PLEKHA5: variants seen among roughly 807,000 people sequenced by gnomAD.
PLEKHA5 encodes pleckstrin homology domain containing A5.
A neutral mutation model predicts 181.9 loss-of-function variants in PLEKHA5; 55 were observed. That is an observed-to-expected ratio of 0.30 (90% CI 0.24 to 0.38). The LOEUF (loss-of-function observed/expected upper bound fraction) is 0.38. Among genes scored for constraint, PLEKHA5 ranks in the 10% least tolerant of loss-of-function variants. The pLI is 1.00. For synonymous variants in PLEKHA5, 535 were observed against 529.4 expected, an observed-to-expected ratio of 1.01 and a Z score of -0.15; for missense variants, 1,432 against 1,549.5, an observed-to-expected ratio of 0.92 and a Z score of 1.27.
chr12:19,290,767 C>G lies in PLEKHA5; in HGVS notation c.1954C>G (p.Gln652Glu). The G allele has an allele frequency of 6.5e-7, 1 of 1,535,250 alleles. No individual in the cohort carries two copies. The highest frequency in any genetic ancestry group is 8.7e-7 in the Non-Finnish European group (1 of 1,145,970). Residue 652 changes from glutamine (Q) to glutamate (E), a missense_variant, in exon 14 of 32, where the codon CAG becomes GAG. Around this residue, in one of 2 missense-constraint regions of PLEKHA5, gnomAD observed 1,143 missense variants for 1,168.4 expected, o/e 0.98. Transcript: ENST00000429027. Reference sequence around the variant, plus strand: ...GGAGCATACGTTAGCACAGCTCATGCAGCTAAAGCTTGAGGCCCACAGCCC... The same window carrying G: ...GGAGCATACGTTAGCACAGCTCATGGAGCTAAAGCTTGAGGCCCACAGCCC... The part of the protein sequence containing the change: ...IREHTLAQLM[Q>E]LKLEAHSPKN...
chr12:19,211,770 T>C (rs2056952081), intron 3 of PLEKHA5, among the ~76,000 whole-genome samples: 1 of 152,186 alleles, frequency 6.6e-6, no homozygotes, highest in South Asian at 2.1e-4. Flanking sequence ...CAGAGGAGGT[T>C]GGTTTTATTG....
chr12:19,222,286 G>A (rs1353166184), intron 3 of PLEKHA5, among the ~76,000 whole-genome samples: 3 of 151,994 alleles, frequency 2.0e-5, no homozygotes, highest in Non-Finnish European at 4.4e-5. Flanking sequence ...TTGGATTTAG[G>A]AATATTTATG....
Position 19,360,558 on chromosome 12 carries a change from C to T in PLEKHA5, c.3483+1012C>T, listed in dbSNP as rs561632143. 7.3e-5 allele frequency among the ~76,000 whole-genome samples: 11 copies of T among 151,134 alleles called. No individual in the cohort carries two copies. The East Asian group carries it at 9.8e-4, about 14-fold the overall frequency. ...GTCAGAGGTTGCAATGAGCTGAGAT[C>T]GCGCCACACTACCCTGCAGCCTGGA... On this transcript the variant is annotated intron_variant, in intron 28 of 31. Coordinates refer to ENST00000429027, the MANE Select transcript of PLEKHA5 (RefSeq NM_001256470.2).
At position 19,306,970 on chromosome 12, in the gene PLEKHA5, A is replaced by G. The variant is rs867972404; in HGVS notation, c.2038-7844A>G. 3.0e-6 allele frequency: 4 copies of G among 1,348,678 alleles called. No individual in the cohort carries two copies. In the South Asian group the frequency reaches 5.0e-5, roughly 17 times the overall value. The allele number at this position is 1,348,678 out of a possible 1,614,324, so 83.5% of individuals were successfully genotyped here. A position where few individuals can be genotyped will look rare whatever the true frequency, so the allele number is the denominator to read the frequency against. ...GCTCCTGCCTACTCCTAACCCACTT[A>G]CTCAGACTGGCGCTGTTCCACCGGC... On this transcript the variant is annotated intron_variant, in intron 15 of 31. Coordinates refer to ENST00000429027, the MANE Select transcript of PLEKHA5 (RefSeq NM_001256470.2).
At chr12:19,362,917 C>T (rs1026340830) in intron 29 of PLEKHA5, among the ~76,000 whole-genome samples, 14 of 145,852 alleles carry the variant, frequency 9.6e-5, no homozygotes, top group Admixed American at 2.0e-4. Context: ...CCATGGATTC[C>T]GAACCCATGG....
At chr12:19,358,507 ATGATTGATAGGTCTTAAAAGGTC>A (rs1407717926) in intron 27 of PLEKHA5, 70 bp downstream of exon 27, 1 of 991,920 alleles carries the variant, frequency 1.0e-6, no homozygotes, top group East Asian at 2.5e-5. Context: ...TCAGAGTTAC[ATGATTGATAGGTCTTAAAAGGTC>A]TGCAGTATGG....
At chr12:19,184,420 T>A (rs2049339530) in intron 3 of PLEKHA5, among the ~76,000 whole-genome samples, 1 of 152,174 alleles carries the variant, frequency 6.6e-6, no homozygotes. Context: ...TGTACTTGGA[T>A]GTAGGATGTA....
At chr12:19,345,529 C>T (rs983784824) in intron 22 of PLEKHA5, among the ~76,000 whole-genome samples, 2 of 151,964 alleles carry the variant, frequency 1.3e-5, no homozygotes, top group East Asian at 3.9e-4. Flanking sequence ...TTTGGGAGGC[C>T]GAGGCAGGTG....
intron 3 of PLEKHA5, chr12:19,236,929 C>T (rs2152421938): frequency 6.6e-6 from 1 of 152,286 alleles, no homozygotes; most frequent in Admixed American, 6.5e-5. Flanking sequence ...CCACAGTGCT[C>T]ACTGAGAACA....
intron 15 of PLEKHA5, chr12:19,307,449 G>T: frequency 3.8e-6 from 1 of 264,744 alleles, no homozygotes. Context: ...TCCAGCCTGG[G>T]CAACGAGCAC....
At chr12:19,357,775 A>G (rs1489402038) in intron 26 of PLEKHA5, among the ~76,000 whole-genome samples, 3 of 151,940 alleles carry the variant, frequency 2.0e-5, no homozygotes, top group Non-Finnish European at 4.4e-5. Flanking sequence ...AGCTGGGACT[A>G]TAGGCATATA....
intron 3 of PLEKHA5, among the ~76,000 whole-genome samples, chr12:19,157,990 C>T (rs1413434394): frequency 6.6e-6 from 1 of 152,100 alleles, no homozygotes; most frequent in Non-Finnish European, 1.5e-5. Context: ...AACCTCTACT[C>T]ATGTCAACTA....
intron 3 of PLEKHA5, among the ~76,000 whole-genome samples, chr12:19,165,624 G>A (rs2044171996): frequency 6.6e-6 from 1 of 152,104 alleles, no homozygotes; most frequent in Non-Finnish European, 1.5e-5. Context: ...AAGTACAGAA[G>A]AGTTAAACTA....
chr12:19,230,785 G>C (rs1319250499), intron 3 of PLEKHA5, among the ~76,000 whole-genome samples: 1 of 152,142 alleles, frequency 6.6e-6, no homozygotes, highest in Non-Finnish European at 1.5e-5. Context: ...GCCTTGGCCA[G>C]CCCAGAGAGG....
chr12:19,271,570 A>G (rs991732382), intron 10 of PLEKHA5, among the ~76,000 whole-genome samples: 1 of 152,214 alleles, frequency 6.6e-6, no homozygotes, highest in Non-Finnish European at 1.5e-5. Context: ...ATTGTTTAGA[A>G]TACAGAAATC....
At chr12:19,313,452 A>T (rs2087332068) in intron 15 of PLEKHA5, among the ~76,000 whole-genome samples, 1 of 152,184 alleles carries the variant, frequency 6.6e-6, no homozygotes, top group African/African-American at 2.4e-5. Context: ...TTAATTTATT[A>T]ATTAATCAGG....
intron 3 of PLEKHA5, among the ~76,000 whole-genome samples, chr12:19,146,679 C>T (rs971023243): frequency 2.6e-5 from 4 of 152,128 alleles, no homozygotes; most frequent in Non-Finnish European, 4.4e-5. Flanking sequence ...CCAGTGTGCA[C>T]CCACTTAGGC....
chr12:19,339,928 CATA>C (rs1453123516), intron 21 of PLEKHA5, among the ~76,000 whole-genome samples: 1 of 152,026 alleles, frequency 6.6e-6, no homozygotes, highest in East Asian at 1.9e-4. Context: ...AACAAGGAAA[CATA>C]ATGTAAAACT....
rs2095057713 is a variant in PLEKHA5, at chr12:19,358,261, T to G, written c.3172T>G (p.Leu1058Val). The G allele has an allele frequency of 1.9e-6, 3 of 1,613,878 alleles. No individual in the cohort carries two copies. Among genetic ancestry groups the G allele is most frequent in the Non-Finnish European group, 2.5e-6 (3 of 1,179,944 alleles). The part of the protein sequence containing the change: ...RPRSAVEQLC[L>V]AESTRPRMTV... ...AAGAAGTGCAGTGGAACAGCTCTGT[T>G]TGGCTGAAAGTACTCGACCAAGGAT... Residue 1058 changes from leucine to valine, a missense_variant, in exon 27 of 32, where the codon TTG (leucine) becomes GTG (valine). Coordinates refer to ENST00000429027, the MANE Select transcript of PLEKHA5 (RefSeq NM_001256470.2).
Sources: gnomAD v4.1 joint callset for allele counts (sites outside exome capture counted in the v4.1 genomes callset) on GRCh38, gnomAD v4.1.1 for gene constraint, gnomAD v4.1.1 regional missense constraint, MANE v1.5 for transcripts, NCBI Gene and HGNC (gene_info 2026-07-23, HGNC 2026-07-21) for gene names.